Variants in NXPH1 observed in about 807,000 individuals in gnomAD.
NXPH1 encodes neurexophilin-1.
In NXPH1, 5 loss-of-function variants were observed where a neutral mutation model predicts 23.7. The observed-to-expected ratio is 0.21, with a 90% CI of 0.11 to 0.44. The LOEUF is 0.44. Among genes scored for constraint, NXPH1 ranks in the 20% least tolerant of loss-of-function variants. The probability of loss-of-function intolerance (pLI) is 0.99; values close to 1 mark genes in which losing one functional copy is unlikely to be tolerated. For synonymous variants in NXPH1, 144 were observed against 122.2 expected, an observed-to-expected ratio of 1.18 and a Z score of -1.18; for missense variants, 324 against 321.6, an observed-to-expected ratio of 1.01 and a Z score of -0.06.
intron 2 of NXPH1, among the ~76,000 whole-genome samples, chr7:8,594,386 A>G (rs905029303): frequency 2.6e-5 from 4 of 152,080 alleles, no homozygotes; most frequent in African/African-American, 9.7e-5. Flanking sequence ...GGTAAAGATA[A>G]CTGCCTGGAA....
intron 2 of NXPH1, among the ~76,000 whole-genome samples, chr7:8,638,908 C>G (rs1820261540): frequency 1.3e-5 from 2 of 152,072 alleles, no homozygotes; most frequent in Admixed American, 1.3e-4. Context: ...TTACCTACTT[C>G]ACTTACTCTT....
At chr7:8,600,040 T>A (rs909822274) in intron 2 of NXPH1, among the ~76,000 whole-genome samples, 1 of 152,004 alleles carries the variant, frequency 6.6e-6, no homozygotes, top group East Asian at 1.9e-4. Context: ...GTGGCGTTGG[T>A]GGAGGGTATT....
chr7:8,714,398 A>C (rs78037262), intron 2 of NXPH1, among the ~76,000 whole-genome samples: 2,839 of 152,038 alleles, frequency 0.019, 89 homozygotes, highest in African/African-American at 0.064. Flanking sequence ...AAGGCCTGGA[A>C]CTGGGTACCC....
chr7:8,461,344 G>C (rs865956371), intron 2 of NXPH1, among the ~76,000 whole-genome samples: 72 of 152,228 alleles, frequency 4.7e-4, no homozygotes, highest in African/African-American at 1.7e-3. Flanking sequence ...TGAAGAAAGA[G>C]TAACTTCAGT....
chr7:8,537,694 T>C (rs895103672), intron 2 of NXPH1, among the ~76,000 whole-genome samples: 1 of 151,934 alleles, frequency 6.6e-6, no homozygotes, highest in Middle Eastern at 3.2e-3. Context: ...ATTTGTGTAC[T>C]AGCTGTGTGA....
chr7:8,642,262 C>A (rs1178930560), intron 2 of NXPH1, among the ~76,000 whole-genome samples: 2 of 152,150 alleles, frequency 1.3e-5, no homozygotes, highest in Non-Finnish European at 2.9e-5. Flanking sequence ...AATTGGAAAT[C>A]ATTTTTCTCT....
intron 2 of NXPH1, among the ~76,000 whole-genome samples, chr7:8,609,227 G>A (rs984415784): frequency 2.0e-5 from 3 of 152,164 alleles, no homozygotes; most frequent in African/African-American, 7.2e-5. Flanking sequence ...GAAAAGCTTA[G>A]AAGCTCAATA....
At chr7:8,720,355 C>A (rs1425809612) in intron 2 of NXPH1, among the ~76,000 whole-genome samples, 1 of 151,822 alleles carries the variant, frequency 6.6e-6, no homozygotes, top group Non-Finnish European at 1.5e-5. Flanking sequence ...GGCAGTGGGT[C>A]TTGCATTTCT....
chr7:8,734,366 T>C (rs780321243), intron 2 of NXPH1, among the ~76,000 whole-genome samples: 54 of 152,190 alleles, frequency 3.5e-4, no homozygotes, highest in Admixed American at 7.2e-4. Flanking sequence ...GGCTCTTTTT[T>C]GGTTCTATAT....
At chr7:8,668,448 C>A (rs565023807) in intron 2 of NXPH1, among the ~76,000 whole-genome samples, 3 of 152,264 alleles carry the variant, frequency 2.0e-5, no homozygotes, top group South Asian at 4.1e-4. Flanking sequence ...AGTTCTCATG[C>A]AAGCTTATTT....
chr7:8,549,700 G>T (rs1043333183), intron 2 of NXPH1, among the ~76,000 whole-genome samples: 1 of 151,502 alleles, frequency 6.6e-6, no homozygotes, highest in African/African-American at 2.4e-5. Flanking sequence ...TTTTACACCA[G>T]AAATGCTTAT....
intron 2 of NXPH1, among the ~76,000 whole-genome samples, chr7:8,630,644 T>C (rs76456418): frequency 0.046 from 7,007 of 152,258 alleles, 303 homozygotes; most frequent in East Asian, 0.17. Context: ...TACTGAACTT[T>C]TATGTCTTGA....
At chr7:8,501,062 C>G (rs928780698) in intron 2 of NXPH1, among the ~76,000 whole-genome samples, 1 of 152,056 alleles carries the variant, frequency 6.6e-6, no homozygotes, top group South Asian at 2.1e-4. Flanking sequence ...TTTAATGACA[C>G]TTGTTTATGA....
intron 2 of NXPH1, among the ~76,000 whole-genome samples, chr7:8,609,592 T>C (rs1414473951): frequency 2.0e-5 from 3 of 152,194 alleles, no homozygotes; most frequent in Non-Finnish European, 4.4e-5. Context: ...CACATTATGA[T>C]TGATGACTGT....
At chr7:8,496,533 GA>G (rs1424400788) in intron 2 of NXPH1, among the ~76,000 whole-genome samples, 1 of 151,996 alleles carries the variant, frequency 6.6e-6, no homozygotes, top group Non-Finnish European at 1.5e-5. Context: ...TCTTTAATTG[GA>G]GTCAATAAGA....
At chr7:8,450,523 C>G (rs1290452846) in intron 2 of NXPH1, among the ~76,000 whole-genome samples, 3 of 152,188 alleles carry the variant, frequency 2.0e-5, no homozygotes, top group Admixed American at 1.3e-4. Flanking sequence ...TATGTTGGAT[C>G]TAGGAATTTA....
At chr7:8,725,192 C>T (rs10279828) in intron 2 of NXPH1, among the ~76,000 whole-genome samples, 9 of 152,146 alleles carry the variant, frequency 5.9e-5, no homozygotes, top group Non-Finnish European at 8.8e-5. Context: ...TGAGCTATGC[C>T]GAAGAACCCA....
chr7:8,752,621 A>G lies in NXPH1; in HGVS notation c.*852A>G, dbSNP rs1193309739. The G allele has an allele frequency of 6.6e-6, 1 of 152,598 alleles. No homozygotes were observed. The highest frequency in any genetic ancestry group is 2.4e-5 in the African/African-American group (1 of 41,448). 9.5% of individuals were successfully genotyped at this position (152,598 alleles called of 1,614,324 possible). On this transcript the variant is annotated 3_prime_UTR_variant, in exon 3 of 3. Transcript: ENST00000405863. Reference sequence around the variant, plus strand: ...TATAAGTGTCTGTCTTATCTTTACTACACATATTGTAACAAATTCAATATC... The same window carrying G: ...TATAAGTGTCTGTCTTATCTTTACTGCACATATTGTAACAAATTCAATATC...
intron 2 of NXPH1, among the ~76,000 whole-genome samples, chr7:8,494,632 A>G (rs1817306027): frequency 6.6e-6 from 1 of 152,080 alleles, no homozygotes; most frequent in Admixed American, 6.6e-5. Context: ...TACCTTGACA[A>G]TGCCAATAAT....
Sources: gnomAD v4.1 joint callset for allele counts (sites outside exome capture counted in the v4.1 genomes callset) on GRCh38, gnomAD v4.1.1 for gene constraint, MANE v1.5 for transcripts, NCBI Gene and HGNC (gene_info 2026-07-23, HGNC 2026-07-21) for gene names.